The following WWTR1 variants were observed in gnomAD, a reference collection of about 807,000 sequenced individuals.
The protein encoded by WWTR1 is WW domain-containing transcription regulator protein 1.
In WWTR1, 13 loss-of-function variants were observed where a neutral mutation model predicts 40.1. The ratio of observed to expected loss-of-function variants is 0.32; its 90% confidence interval spans 0.21 to 0.52. The LOEUF (loss-of-function observed/expected upper bound fraction) is 0.52, where lower values mean the gene tolerates loss of function less well. Among genes scored for constraint, WWTR1 ranks in the 20% least tolerant of loss-of-function variants. WWTR1 has a pLI of 0.97. For missense variants in WWTR1, 436 were observed against 523.1 expected (o/e 0.83, Z 1.63); for synonymous variants, 230 against 210.1 (o/e 1.09, Z -0.82).
chr3:149,538,494 C>T (rs1210723304), intron 4 of WWTR1, among the ~76,000 whole-genome samples: 3 of 152,108 alleles, frequency 2.0e-5, no homozygotes, highest in Admixed American at 6.6e-5. Flanking sequence ...AAGTGTCTGC[C>T]GCATTCCAAG....
chr3:149,534,715 C>A (rs1735743119), intron 4 of WWTR1, among the ~76,000 whole-genome samples: 2 of 152,170 alleles, frequency 1.3e-5, no homozygotes, highest in Admixed American at 6.5e-5. Context: ...TTGTCTATGT[C>A]CAAGCTTGGG....
chr3:149,605,490 G>A (rs758301274), intron 2 of WWTR1, among the ~76,000 whole-genome samples: 12 of 152,174 alleles, frequency 7.9e-5, no homozygotes, highest in Non-Finnish European at 1.2e-4. Context: ...GCAGTAATTT[G>A]AGCAATGTGG....
intron 2 of WWTR1, among the ~76,000 whole-genome samples, chr3:149,598,777 A>G (rs1371032342): frequency 6.6e-6 from 1 of 152,214 alleles, no homozygotes; most frequent in Non-Finnish European, 1.5e-5. Context: ...ATTACAAATA[A>G]TGCTTCAACA....
chr3:149,616,278 G>A (rs144156473), intron 2 of WWTR1, among the ~76,000 whole-genome samples: 10 of 152,176 alleles, frequency 6.6e-5, no homozygotes, highest in East Asian at 1.9e-4. Flanking sequence ...GAGAATGTCC[G>A]CTTCCCACCC....
intron 4 of WWTR1, among the ~76,000 whole-genome samples, chr3:149,536,485 G>T (rs866609318): frequency 3.1e-4 from 47 of 151,784 alleles, no homozygotes; most frequent in South Asian, 2.1e-4. Context: ...AAAAAAAAGG[G>T]GGGGGCCTCA....
At position 149,620,570 on chromosome 3, in the gene WWTR1, C is replaced by CA. The variant is rs1553799938; in HGVS notation, c.431+36305_431+36306insT. The stretch of plus-strand genomic sequence containing the variant: ...TGCACCCCTCCTCCACCGCTCCCCC[C>CA]CACACACACACACTCATCTTCTTTG... On this transcript the variant is annotated intron_variant, in intron 2 of 6. Transcript: ENST00000360632. Among the ~76,000 whole-genome samples, 98 of 150,602 alleles carry CA rather than the reference C, an allele frequency of 6.5e-4. 1 individual carries two copies. Among genetic ancestry groups the CA allele is most frequent in the Middle Eastern group, 3.4e-3 (1 of 294 alleles).
intron 3 of WWTR1, among the ~76,000 whole-genome samples, chr3:149,558,958 A>G (rs1304156615): frequency 2.6e-5 from 4 of 152,164 alleles, no homozygotes; most frequent in Non-Finnish European, 5.9e-5. Flanking sequence ...TATTGTATCA[A>G]TGTTAAATTT....
At chr3:149,718,566 A>G (rs896166548) in intron 4 of WWTR1, among the ~76,000 whole-genome samples, 1 of 152,228 alleles carries the variant, frequency 6.6e-6, no homozygotes. Flanking sequence ...AAACATCACC[A>G]GCATCCATCT....
intron 4 of WWTR1, among the ~76,000 whole-genome samples, chr3:149,537,584 A>G (rs1232508939): frequency 6.6e-6 from 1 of 152,096 alleles, no homozygotes; most frequent in African/African-American, 2.4e-5. Context: ...TTCTTTTATT[A>G]TTCTTTTTGT....
At chr3:149,636,990 A>G (rs1246255935) in intron 2 of WWTR1, among the ~76,000 whole-genome samples, 1 of 147,962 alleles carries the variant, frequency 6.8e-6, no homozygotes, top group Admixed American at 6.7e-5. Flanking sequence ...AAAAAAAAAA[A>G]GAGAGAAGTA....
chr3:149,564,850 T>A (rs938681431), intron 3 of WWTR1, among the ~76,000 whole-genome samples: 2 of 152,230 alleles, frequency 1.3e-5, no homozygotes, highest in Non-Finnish European at 2.9e-5. Context: ...AAGTTTTCCA[T>A]GTGTCTACAT....
intron 5 of WWTR1, 37 bp downstream of exon 5, chr3:149,527,799 G>A (rs753630392): frequency 6.2e-7 from 1 of 1,612,206 alleles, no homozygotes; most frequent in South Asian, 1.1e-5. Flanking sequence ...ACATAATAAA[G>A]AGAATAAAAA....
chr3:149,653,734 G>A (rs1713032274), intron 2 of WWTR1, among the ~76,000 whole-genome samples: 3 of 152,094 alleles, frequency 2.0e-5, no homozygotes, highest in Admixed American at 1.3e-4. Flanking sequence ...AAGTGACATG[G>A]GGGAAAGGTG....
rs1318238161 is a variant in WWTR1, at chr3:149,684,224, G to T, written c.-107-14333C>A. Among the ~76,000 whole-genome samples the T allele has an allele frequency of 2.0e-5, 3 of 151,954 alleles. 1 individual carries two copies. Among genetic ancestry groups the T allele is most frequent in the Admixed American group, 1.3e-4 (2 of 15,242 alleles). ...ATAAGTAGAGACAGGGTCTCGCTAT[G>T]TTGCCCAGGGTGGTCTTGAGTTCCT... On this transcript the variant is annotated intron_variant, in intron 1 of 7. Transcript: ENST00000465804.
chr3:149,556,877 CA>C (rs1306438716), intron 3 of WWTR1, among the ~76,000 whole-genome samples: 6 of 151,830 alleles, frequency 4.0e-5, no homozygotes, highest in African/African-American at 1.5e-4. Context: ...AAACATACAA[CA>C]AAAAAACTAC....
intron 2 of WWTR1, among the ~76,000 whole-genome samples, chr3:149,652,085 C>T (rs944938348): frequency 3.4e-5 from 5 of 147,888 alleles, no homozygotes; most frequent in Non-Finnish European, 4.4e-5. Flanking sequence ...CCTCGTGATC[C>T]GCCCGCCTCG....
At chr3:149,576,712 T>C (rs190002324) in intron 2 of WWTR1, among the ~76,000 whole-genome samples, 1 of 152,182 alleles carries the variant, frequency 6.6e-6, no homozygotes, top group Non-Finnish European at 1.5e-5. Context: ...CATATCAAAC[T>C]ATTTATGGTG....
At chr3:149,549,416 A>T (rs1451256926) in intron 3 of WWTR1, among the ~76,000 whole-genome samples, 1 of 152,236 alleles carries the variant, frequency 6.6e-6, no homozygotes, top group Non-Finnish European at 1.5e-5. Context: ...AATATCAGAC[A>T]AATTTCAATA....
Position 149,620,571 on chromosome 3 carries a change from C to T in WWTR1, c.431+36305G>A, listed in dbSNP as rs1253874900. The stretch of plus-strand genomic sequence containing the variant: ...GCACCCCTCCTCCACCGCTCCCCCC[C>T]ACACACACACACTCATCTTCTTTGT... On this transcript the variant is annotated intron_variant, in intron 2 of 6. Coordinates refer to ENST00000360632, the MANE Select transcript of WWTR1 (RefSeq NM_015472.6). 1.2e-3 allele frequency among the ~76,000 whole-genome samples: 160 copies of T among 130,356 alleles called. 1 individual carries two copies. Among genetic ancestry groups the T allele is most frequent in the African/African-American group, 4.9e-3 (153 of 31,534 alleles). The allele number at this position is 130,356 out of a possible 152,430, so 85.5% of individuals were successfully genotyped here. A position where few individuals can be genotyped will look rare whatever the true frequency, so the allele number is the denominator to read the frequency against.
Sources: gnomAD v4.1 joint callset for allele counts (sites outside exome capture counted in the v4.1 genomes callset) on GRCh38, gnomAD v4.1.1 for gene constraint, MANE v1.5 for transcripts, NCBI Gene and HGNC (gene_info 2026-07-23, HGNC 2026-07-21) for gene names.